TTC28: variants seen among roughly 807,000 people sequenced by gnomAD.
TTC28 encodes the protein tetratricopeptide repeat protein 28.
TTC28 carries 61 observed loss-of-function variants against 198.0 expected under a neutral mutation model. That is an observed-to-expected ratio of 0.31 (90% CI 0.25 to 0.38). The LOEUF (loss-of-function observed/expected upper bound fraction) is 0.38. TTC28 is among the 10% of genes least tolerant of loss of function. The pLI is 1.00. For missense variants in TTC28, 2,678 were observed against 3,164.0 expected, an observed-to-expected ratio of 0.85 and a Z score of 3.69; for synonymous variants, 1,171 against 1,297.8, an observed-to-expected ratio of 0.90 and a Z score of 2.10.
chr22:28,531,078 T>C (rs960603819), intron 2 of TTC28, among the ~76,000 whole-genome samples: 1 of 152,120 alleles, frequency 6.6e-6, no homozygotes, highest in African/African-American at 2.4e-5. Flanking sequence ...TAAATGTAAA[T>C]GGACTAAATG....
chr22:28,199,913 A>G (rs1569193874), intron 5 of TTC28, among the ~76,000 whole-genome samples: 1 of 152,106 alleles, frequency 6.6e-6, no homozygotes, highest in African/African-American at 2.4e-5. Context: ...CTATCCATGT[A>G]TTTGCTATAT....
chr22:28,603,456 T>C (rs903631236), intron 2 of TTC28, among the ~76,000 whole-genome samples: 3 of 152,098 alleles, frequency 2.0e-5, no homozygotes, highest in African/African-American at 7.2e-5. Flanking sequence ...GGCACAATCA[T>C]GGCTCACTGC....
chr22:28,629,946 T>C (rs905725649), intron 1 of TTC28, 116 bp from the exon 2 acceptor site: 8 of 930,648 alleles, frequency 8.6e-6, no homozygotes, highest in Admixed American at 2.8e-5. Flanking sequence ...ATCCCCAGTA[T>C]TGGAGGTGGG....
rs374904680 is a variant in TTC28, at chr22:27,998,946, G to A, written c.4713C>T (p.Ser1571=). 1.4e-5 allele frequency: 21 copies of A among 1,550,804 alleles called. No individual in the cohort carries two copies. In the African/African-American group the frequency reaches 2.2e-4, roughly 16 times the overall value. Residue 1571 remains serine, a synonymous_variant, in exon 16 of 23, where the codon AGC becomes AGT. Coordinates refer to ENST00000397906, the MANE Select transcript of TTC28 (RefSeq NM_001145418.2). ...GGATCGTGTAGGGGTGGCCGAAGGA[G>A]CTCTTGCTGCTGGCAGGGTTGCCGT... ...SMDGNPASSK[S]SFGHPYTIPE...
At chr22:28,369,043 C>T (rs1164942042) in intron 2 of TTC28, among the ~76,000 whole-genome samples, 2 of 151,592 alleles carry the variant, frequency 1.3e-5, no homozygotes, top group Non-Finnish European at 3.0e-5. Flanking sequence ...AAAAAAAATC[C>T]TAAAATACCA....
chr22:28,203,655 G>A (rs1351681604), intron 5 of TTC28, among the ~76,000 whole-genome samples: 5 of 151,936 alleles, frequency 3.3e-5, no homozygotes, highest in Non-Finnish European at 5.9e-5. Context: ...GGAGTCTAAC[G>A]TGCAGAAGAT....
chr22:28,091,719 T>C (rs1941820443), intron 12 of TTC28, among the ~76,000 whole-genome samples: 2 of 152,198 alleles, frequency 1.3e-5, no homozygotes, highest in South Asian at 4.1e-4. Context: ...GTGCTCACTC[T>C]ATAAGGTGCT....
At chr22:28,646,229 A>AC (rs1283982958) in intron 1 of TTC28, among the ~76,000 whole-genome samples, 1 of 152,200 alleles carries the variant, frequency 6.6e-6, no homozygotes, top group Non-Finnish European at 1.5e-5. Flanking sequence ...AAATCGATGT[A>AC]CACAGATCAG....
At chr22:28,162,886 G>C (rs758703994) in intron 6 of TTC28, among the ~76,000 whole-genome samples, 3 of 152,288 alleles carry the variant, frequency 2.0e-5, no homozygotes, top group Admixed American at 1.3e-4. Flanking sequence ...GTGTGGTTGT[G>C]CCACACCATC....
chr22:28,015,511 C>T (rs1938335093), intron 13 of TTC28, among the ~76,000 whole-genome samples: 1 of 152,044 alleles, frequency 6.6e-6, no homozygotes, highest in Non-Finnish European at 1.5e-5. Context: ...CAGCCTCAAC[C>T]TCCTGGGCCC....
intron 1 of TTC28, among the ~76,000 whole-genome samples, chr22:28,631,147 G>A (rs1168691445): frequency 1.3e-5 from 2 of 152,046 alleles, no homozygotes; most frequent in Non-Finnish European, 2.9e-5. Context: ...AAATAAATAA[G>A]TAATGAGAGA....
chr22:28,111,945 A>C (rs532202083), intron 6 of TTC28, among the ~76,000 whole-genome samples: 2 of 152,250 alleles, frequency 1.3e-5, no homozygotes, highest in Middle Eastern at 3.4e-3. Flanking sequence ...ACCTCATCCT[A>C]CAGGAAACTG....
chr22:28,489,169 A>T (rs1157507998), intron 2 of TTC28, among the ~76,000 whole-genome samples: 1 of 152,122 alleles, frequency 6.6e-6, no homozygotes, highest in Non-Finnish European at 1.5e-5. Context: ...CTGTAGTCCC[A>T]GCTACTCATG....
chr22:28,307,753 A>C (rs568403802), intron 2 of TTC28, among the ~76,000 whole-genome samples: 3 of 152,332 alleles, frequency 2.0e-5, no homozygotes, highest in Non-Finnish European at 4.4e-5. Context: ...TCTCCTATTC[A>C]ACTGAAATAT....
intron 5 of TTC28, among the ~76,000 whole-genome samples, chr22:28,263,951 T>C (rs1164585690): frequency 6.6e-6 from 1 of 152,068 alleles, no homozygotes; most frequent in Admixed American, 6.6e-5. Context: ...AGGAGGATGC[T>C]GTGTTTAGAT....
At chr22:28,628,054 T>G (rs1184470996) in intron 2 of TTC28, among the ~76,000 whole-genome samples, 1 of 151,686 alleles carries the variant, frequency 6.6e-6, no homozygotes, top group Non-Finnish European at 1.5e-5. Context: ...TATAGGTGAG[T>G]GCCACCATAC....
intron 12 of TTC28, among the ~76,000 whole-genome samples, chr22:28,090,001 T>C (rs886200594): frequency 6.6e-6 from 1 of 151,712 alleles, no homozygotes; most frequent in East Asian, 1.9e-4. Context: ...CATTAGGAGA[T>C]ATACCTAATG....
chr22:28,398,202 C>A (rs548281969), intron 2 of TTC28, among the ~76,000 whole-genome samples: 24 of 152,246 alleles, frequency 1.6e-4, no homozygotes, highest in Non-Finnish European at 2.6e-4. Context: ...ACTATGGAGC[C>A]CAAGTGGTTA....
At chr22:28,225,172 T>C (rs953405595) in intron 5 of TTC28, among the ~76,000 whole-genome samples, 8 of 151,846 alleles carry the variant, frequency 5.3e-5, no homozygotes, top group East Asian at 1.9e-4. Flanking sequence ...CTGGCCAACA[T>C]AGTGAAACCC....
Sources: gnomAD v4.1 joint callset for allele counts (sites outside exome capture counted in the v4.1 genomes callset) on GRCh38, gnomAD v4.1.1 for gene constraint, MANE v1.5 for transcripts, NCBI Gene and HGNC (gene_info 2026-07-23, HGNC 2026-07-21) for gene names.